ADCY8: variants seen among roughly 807,000 people sequenced by gnomAD.
ADCY8 encodes the protein adenylate cyclase 8.
Under a neutral mutation model 119.7 loss-of-function variants are expected in ADCY8, and 51 were observed. The observed-to-expected ratio is 0.43, with a 90% confidence interval of 0.34 to 0.54. The LOEUF is 0.54. Among genes scored for constraint, ADCY8 ranks in the 20% least tolerant of loss-of-function variants. The pLI is 0.03. For synonymous variants in ADCY8, 665 were observed against 651.0 expected (o/e 1.02, Z -0.33); for missense variants, 1,383 against 1,598.8 (o/e 0.87, Z 2.30).
chr8:130,992,430 T>TGTATATATATA (rs1822623634), intron 1 of ADCY8, among the ~76,000 whole-genome samples: 1 of 49,484 alleles, frequency 2.0e-5, no homozygotes, highest in African/African-American at 6.4e-5. Context: ...TATATATATA[T>TGTATATATATA]TTGAGATAGG....
At chr8:130,990,647 T>C (rs1261951536) in intron 1 of ADCY8, 105 bp from the exon 2 acceptor site, 3 of 1,403,732 alleles carry the variant, frequency 2.1e-6, no homozygotes, top group East Asian at 4.6e-5. Context: ...CCTAATGTAG[T>C]AATCCATATG....
chr8:130,833,844 C>A (rs1026920820), intron 12 of ADCY8, among the ~76,000 whole-genome samples: 1 of 152,050 alleles, frequency 6.6e-6, no homozygotes, highest in Non-Finnish European at 1.5e-5. Context: ...ATTTTGAACT[C>A]ATAGAAGCAG....
chr8:130,855,401 C>G (rs1420077023), intron 9 of ADCY8, among the ~76,000 whole-genome samples: 1 of 152,102 alleles, frequency 6.6e-6, no homozygotes, highest in Non-Finnish European at 1.5e-5. Flanking sequence ...AGTTTCCTTC[C>G]TTGTCAGGAT....
chr8:130,846,888 TTTCCTTCCTTCCTTCC>T (rs767208726), intron 11 of ADCY8, among the ~76,000 whole-genome samples: 2 of 19,852 alleles, frequency 1.0e-4, no homozygotes, highest in African/African-American at 2.5e-4. Context: ...TTCCCTTCCC[TTTCCTTCCTTCCTTCC>T]TTCCTTCCTT....
intron 1 of ADCY8, among the ~76,000 whole-genome samples, chr8:131,011,323 A>C (rs1823295556): frequency 6.6e-6 from 1 of 152,206 alleles, no homozygotes; most frequent in Non-Finnish European, 1.5e-5. Context: ...AGATAGGCAA[A>C]TTAGATATGT....
chr8:131,008,754 G>A (rs1394423787), intron 1 of ADCY8, among the ~76,000 whole-genome samples: 1 of 152,166 alleles, frequency 6.6e-6, no homozygotes, highest in African/African-American at 2.4e-5. Flanking sequence ...GGAAAAGTTT[G>A]GAACTTCCTA....
At chr8:130,950,696 T>C (rs7828958) in intron 3 of ADCY8, among the ~76,000 whole-genome samples, 1 of 152,036 alleles carries the variant, frequency 6.6e-6, no homozygotes, top group Non-Finnish European at 1.5e-5. Flanking sequence ...AACCTTTCAA[T>C]ACGTTTATTA....
chr8:130,825,205 C>G (rs542537110), intron 12 of ADCY8, among the ~76,000 whole-genome samples: 41 of 152,268 alleles, frequency 2.7e-4, no homozygotes, highest in African/African-American at 9.6e-4. Context: ...ACTCAAAATC[C>G]TCTCTTCTAG....
Position 130,875,739 on chromosome 8 carries a change from G to A in ADCY8, c.2110-7793C>T, listed in dbSNP as rs765473952. Among the ~76,000 whole-genome samples the A allele has an allele frequency of 4.0e-4, 61 of 152,234 alleles. No homozygotes were observed. The Middle Eastern group carries it at 0.01, about 25-fold the overall frequency. On this transcript the variant is annotated intron_variant, in intron 8 of 17. Coordinates refer to ENST00000286355, the MANE Select transcript of ADCY8 (RefSeq NM_001115.3). ...ATTCATTTTTCTTGAAGTTTTTAAA[G>A]CCTCCATTTAACTTTGATTTTCTTT...
chr8:131,008,392 T>C (rs1823191400), intron 1 of ADCY8, among the ~76,000 whole-genome samples: 3 of 152,122 alleles, frequency 2.0e-5, no homozygotes, highest in African/African-American at 7.2e-5. Flanking sequence ...GGATAATCAG[T>C]CAGTTCTCAT....
intron 1 of ADCY8, among the ~76,000 whole-genome samples, chr8:131,019,095 A>G (rs1278440788): frequency 1.3e-5 from 2 of 152,182 alleles, no homozygotes; most frequent in African/African-American, 4.8e-5. Context: ...AAAGAGGAAT[A>G]TGATGGTATG....
intron 9 of ADCY8, among the ~76,000 whole-genome samples, chr8:130,851,734 G>A (rs1817536869): frequency 6.6e-6 from 1 of 152,106 alleles, no homozygotes; most frequent in African/African-American, 2.4e-5. Flanking sequence ...TATGTGTAGA[G>A]GGTATTTGAG....
chr8:130,918,697 T>C (rs1820204494), intron 5 of ADCY8, among the ~76,000 whole-genome samples: 1 of 152,170 alleles, frequency 6.6e-6, no homozygotes, highest in African/African-American at 2.4e-5. Context: ...AGCAAAGAGT[T>C]TGTAAATCAC....
At position 130,783,741 on chromosome 8, in the gene ADCY8, C is replaced by T; in HGVS notation, c.3218G>A (p.Ser1073Asn). 2 of 1,613,894 alleles carry T rather than the reference C, an allele frequency of 1.2e-6. No homozygotes were observed. Among genetic ancestry groups the T allele is most frequent in the Non-Finnish European group, 1.7e-6 (2 of 1,179,866 alleles). The change falls in exon 17 of 18, where the codon AGC (serine) becomes AAC (asparagine). Residue 1073 changes from serine (S) to asparagine (N), a missense_variant. By Grantham distance (46) the Ser-to-Asn change is conservative. Coordinates refer to ENST00000286355, the MANE Select transcript of ADCY8 (RefSeq NM_001115.3). ...TGAATGCTTGTTGATCTCCTGTATG[C>T]TTTCTGTCAGGGCGAGTGAGAAGTC... is the stretch of plus-strand genomic sequence containing the variant. ...LADFSLALTE[S>N]IQEINKHSFN...
At chr8:131,026,770 G>C (rs1417986750) in intron 1 of ADCY8, among the ~76,000 whole-genome samples, 1 of 152,196 alleles carries the variant, frequency 6.6e-6, no homozygotes, top group East Asian at 1.9e-4. Context: ...TTGAAAAAGG[G>C]TGATTGTTTT....
intron 5 of ADCY8, among the ~76,000 whole-genome samples, chr8:130,931,131 A>G (rs1286675305): frequency 3.9e-5 from 6 of 152,174 alleles, no homozygotes; most frequent in South Asian, 2.1e-4. Flanking sequence ...TCTGGTGGTG[A>G]TGAATTCCCT....
chr8:130,855,914 G>A (rs554491372), intron 9 of ADCY8, among the ~76,000 whole-genome samples: 44 of 152,014 alleles, frequency 2.9e-4, no homozygotes, highest in African/African-American at 9.2e-4. Context: ...CATCATCCCC[G>A]TTCAGTATGA....
At chr8:130,875,766 T>TA (rs1256760591) in intron 8 of ADCY8, among the ~76,000 whole-genome samples, 1 of 152,224 alleles carries the variant, frequency 6.6e-6, no homozygotes, top group Non-Finnish European at 1.5e-5. Context: ...ATTTTCTTTA[T>TA]AAATGACAGA....
At chr8:130,919,489 G>C (rs965450703) in intron 5 of ADCY8, among the ~76,000 whole-genome samples, 3 of 152,196 alleles carry the variant, frequency 2.0e-5, no homozygotes, top group Non-Finnish European at 4.4e-5. Flanking sequence ...AGTGGGTGCA[G>C]AGCTTGAGGG....
Sources: allele counts gnomAD v4.1 joint callset (sites outside exome capture counted in the v4.1 genomes callset), GRCh38; gene constraint gnomAD v4.1.1; transcripts MANE v1.5; gene names NCBI Gene and HGNC (gene_info 2026-07-23, HGNC 2026-07-21).